Variants in RELN observed in about 807,000 individuals in gnomAD.
RELN encodes reelin.
In RELN, 108 loss-of-function variants were observed where a neutral mutation model predicts 427.6. The ratio of observed to expected loss-of-function variants is 0.25; its 90% CI spans 0.22 to 0.30. The LOEUF (loss-of-function observed/expected upper bound fraction) is 0.30, where lower values mean the gene tolerates loss of function less well. Ranked by LOEUF, RELN falls within the 10% of genes least tolerant of loss-of-function variation. The pLI, the probability that RELN is intolerant of heterozygous loss-of-function variation, is 1.00. For missense variants in RELN, 3,715 were observed against 4,302.8 expected (o/e 0.86, Z 3.82); for synonymous variants, 1,524 against 1,513.4 (o/e 1.01, Z -0.16).
intron 1 of RELN, among the ~76,000 whole-genome samples, chr7:103,929,479 A>C (rs1320875781): frequency 6.6e-6 from 1 of 152,182 alleles, no homozygotes; most frequent in Non-Finnish European, 1.5e-5. Flanking sequence ...GGAGACGTAC[A>C]GAGTTAGGTT....
intron 2 of RELN, among the ~76,000 whole-genome samples, chr7:103,900,090 T>C (rs1795050698): frequency 6.6e-6 from 1 of 152,190 alleles, no homozygotes; most frequent in African/African-American, 2.4e-5. Context: ...GATTAGCAAC[T>C]TCAGCAAAGT....
intron 64 of RELN, among the ~76,000 whole-genome samples, chr7:103,474,776 A>G (rs1210085031): frequency 6.6e-6 from 1 of 151,376 alleles, no homozygotes; most frequent in Non-Finnish European, 1.5e-5. Flanking sequence ...TGGCCCCCTG[A>G]ACTAGCCTCC....
At chr7:103,555,768 T>C (rs1461057249) in intron 38 of RELN, among the ~76,000 whole-genome samples, 1 of 152,228 alleles carries the variant, frequency 6.6e-6, no homozygotes, top group Non-Finnish European at 1.5e-5. Flanking sequence ...CCACTGCGCC[T>C]GGCACATTCC....
In RELN at chr7:103,626,512, G is replaced by A. The variant is rs978310593; in HGVS notation, c.2702+3428C>T. On this transcript the variant is annotated intron_variant, in intron 20 of 64. Transcript: ENST00000428762. This position sits in a 1 kb window ranked among gnomAD's most constrained non-coding sequence, Gnocchi z 4.4. ...ATTACAGGCATGTGTCACCACGCTC[G>A]GCTAGTTTGTGTATTTTCAGTAGAG... 2.0e-5 allele frequency among the ~76,000 whole-genome samples: 3 copies of A among 151,996 alleles called. No homozygotes were observed. Among genetic ancestry groups the A allele is most frequent in the African/African-American group, 7.2e-5 (3 of 41,396 alleles).
At chr7:103,604,550 T>C in intron 22 of RELN, 67 bp from the exon 23 acceptor site, 1 of 1,548,450 alleles carries the variant, frequency 6.5e-7, no homozygotes, top group Non-Finnish European at 8.9e-7. Flanking sequence ...GCAAAGAATG[T>C]CAGAGTCCAA....
At chr7:103,770,726 T>C (rs1209462857) in intron 4 of RELN, among the ~76,000 whole-genome samples, 1 of 151,934 alleles carries the variant, frequency 6.6e-6, no homozygotes, top group Non-Finnish European at 1.5e-5. Context: ...TAATCTATAG[T>C]GATATTTTTT....
chr7:103,929,240 A>C (rs1441222740), intron 1 of RELN, among the ~76,000 whole-genome samples: 1 of 152,166 alleles, frequency 6.6e-6, no homozygotes, highest in Non-Finnish European at 1.5e-5. Flanking sequence ...TAATTTTTTC[A>C]GCATAATGGC....
At chr7:103,926,595 G>A (rs1056139466) in intron 1 of RELN, among the ~76,000 whole-genome samples, 7 of 141,766 alleles carry the variant, frequency 4.9e-5, no homozygotes, top group African/African-American at 1.8e-4. Flanking sequence ...AATACACATA[G>A]TTAAACCGAA....
intron 25 of RELN, among the ~76,000 whole-genome samples, chr7:103,595,759 T>C (rs1831522465): frequency 1.3e-5 from 2 of 151,990 alleles, no homozygotes; most frequent in South Asian, 2.1e-4. Flanking sequence ...AATAATATCA[T>C]TGAATAGACT....
At chr7:103,515,482 T>A (rs1337369873) in intron 49 of RELN, 41 bp from the exon 50 acceptor site, 33 of 1,599,942 alleles carry the variant, frequency 2.1e-5, no homozygotes, top group Non-Finnish European at 2.7e-5. Context: ...GAAGAACCCT[T>A]GTCAAATATC....
In RELN at chr7:103,611,806, G is replaced by T; in HGVS notation, c.2703-3C>A. ...CAAGTTTAGAATCTCCTGTAAAACT[G>T]AAAGAGACAGAGATGGAAATCAGAA... On this transcript the variant is annotated splice_polypyrimidine_tract_variant and splice_region_variant and intron_variant, in intron 20 of 64. Coordinates refer to ENST00000428762, the MANE Select transcript of RELN (RefSeq NM_005045.4). The T allele has an allele frequency of 6.2e-7, 1 of 1,611,658 alleles. No homozygotes were observed. Among genetic ancestry groups the T allele is most frequent in the Non-Finnish European group, 8.5e-7 (1 of 1,177,908 alleles).
At chr7:103,547,056 G>C (rs1391831623) in intron 41 of RELN, among the ~76,000 whole-genome samples, 1 of 152,146 alleles carries the variant, frequency 6.6e-6, no homozygotes, top group Non-Finnish European at 1.5e-5. Flanking sequence ...TCAGTTCAAA[G>C]AAGACAGATT....
At chr7:103,552,779 T>C (rs1830442095) in intron 40 of RELN, among the ~76,000 whole-genome samples, 2 of 152,082 alleles carry the variant, frequency 1.3e-5, no homozygotes, top group Admixed American at 6.6e-5. Flanking sequence ...GGATTACAGG[T>C]GTAAGCCACC....
intron 1 of RELN, among the ~76,000 whole-genome samples, chr7:103,919,816 T>C (rs1324213360): frequency 1.3e-5 from 2 of 152,208 alleles, no homozygotes; most frequent in African/African-American, 2.4e-5. Context: ...AAAAGTGATT[T>C]ATGACAAGTT....
chr7:103,844,000 G>A (rs1793617588), intron 2 of RELN, among the ~76,000 whole-genome samples: 1 of 152,134 alleles, frequency 6.6e-6, no homozygotes, highest in African/African-American at 2.4e-5. Flanking sequence ...CAACATGCTG[G>A]CTACCTGTCC....
At chr7:103,914,801 T>C (rs1341533974) in intron 2 of RELN, among the ~76,000 whole-genome samples, 2 of 152,102 alleles carry the variant, frequency 1.3e-5, no homozygotes, top group Non-Finnish European at 2.9e-5. Context: ...GGCTCCTTCT[T>C]GTTGCCGATG....
At chr7:103,838,208 C>CAAG (rs1491227842) in intron 2 of RELN, among the ~76,000 whole-genome samples, 3 of 81,082 alleles carry the variant, frequency 3.7e-5, no homozygotes, top group African/African-American at 1.5e-4. Context: ...GACTTCGTCT[C>CAAG]AAAAAAAAAA....
chr7:103,483,393 G>A (rs1176200375), intron 62 of RELN, among the ~76,000 whole-genome samples: 1 of 152,132 alleles, frequency 6.6e-6, no homozygotes, highest in Non-Finnish European at 1.5e-5. Flanking sequence ...AAGGGAAATC[G>A]GCAAAAACTG....
intron 2 of RELN, among the ~76,000 whole-genome samples, chr7:103,913,036 C>T (rs1042817907): frequency 2.6e-5 from 4 of 152,086 alleles, no homozygotes; most frequent in Non-Finnish European, 4.4e-5. Context: ...GCATTGCTGG[C>T]TTACAGTCAT....
Sources: allele counts gnomAD v4.1 joint callset (sites outside exome capture counted in the v4.1 genomes callset), GRCh38; gene constraint gnomAD v4.1.1; non-coding constraint Gnocchi (gnomAD v3.1); transcripts MANE v1.5; gene names NCBI Gene and HGNC (gene_info 2026-07-23, HGNC 2026-07-21).